GRIK4: variants seen among roughly 807,000 people sequenced by gnomAD.
GRIK4 encodes the protein glutamate ionotropic receptor kainate type subunit 4.
In GRIK4, 40 loss-of-function variants were observed where a neutral mutation model predicts 104.9. The observed-to-expected ratio is 0.38, with a 90% CI of 0.30 to 0.50. The LOEUF is 0.50. GRIK4 is among the 20% of genes least tolerant of loss of function. The pLI is 0.93. For missense variants in GRIK4, 1,047 were observed against 1,308.1 expected (o/e 0.80, Z 3.08); for synonymous variants, 485 against 524.9 (o/e 0.92, Z 1.04).
intron 1 of GRIK4, among the ~76,000 whole-genome samples, chr11:120,557,329 A>G (rs1325752351): frequency 6.6e-6 from 1 of 151,872 alleles, no homozygotes; most frequent in African/African-American, 2.4e-5. Flanking sequence ...GGGGGAAGAA[A>G]ACGGTACCTC....
chr11:120,766,144 C>A (rs1022518831), intron 3 of GRIK4, among the ~76,000 whole-genome samples: 2 of 152,200 alleles, frequency 1.3e-5, no homozygotes, highest in Admixed American at 6.5e-5. Flanking sequence ...TTCAGAGATG[C>A]CTTGCCCAGA....
intron 6 of GRIK4, among the ~76,000 whole-genome samples, 162 bp downstream of exon 6, chr11:120,820,082 CGTGT>C (rs35140379): frequency 0.31 from 44,290 of 144,642 alleles, 6,708 homozygotes; most frequent in East Asian, 0.41. Flanking sequence ...CTCATGTGTC[CGTGT>C]GTGTGTGTGT....
rs376756048 is a variant in GRIK4, at chr11:120,724,689, T to G, written c.82+64289T>G. 1.4e-4 allele frequency among the ~76,000 whole-genome samples: 22 copies of G among 152,214 alleles called. No homozygotes were observed. In the East Asian group the frequency reaches 1.5e-3, roughly 11 times the overall value. On this transcript the variant is annotated intron_variant, in intron 3 of 20. Transcript: ENST00000527524. ...TGTCTAAGCCTAGAAACTAACTATA[T>G]TTTATTTATTTGTAAATTCAGAGTA...
intron 3 of GRIK4, among the ~76,000 whole-genome samples, chr11:120,794,533 G>A (rs1321456316): frequency 1.3e-5 from 2 of 151,916 alleles, no homozygotes; most frequent in Non-Finnish European, 2.9e-5. Flanking sequence ...CCCGAATCCA[G>A]TTGGACTTCT....
chr11:120,795,017 C>T (rs1188016098), intron 3 of GRIK4, among the ~76,000 whole-genome samples: 1 of 152,018 alleles, frequency 6.6e-6, no homozygotes, highest in Non-Finnish European at 1.5e-5. Context: ...AGTGAGCAGC[C>T]AGGGTCAGCT....
At position 120,940,585 on chromosome 11, in the gene GRIK4, T is replaced by C. The variant is rs1591309438; in HGVS notation, c.1590+125T>C. On this transcript the variant is annotated intron_variant, in intron 14 of 20. Transcript: ENST00000527524. This position sits in a 1 kb window ranked among gnomAD's most constrained non-coding sequence, Gnocchi z 4.3. ...TTTCAAGACTTAAATGCAAATGTGCTGGGCTATTTTTTCTCCTATCATCTG... is the reference window on the plus strand; with the variant it reads ...TTTCAAGACTTAAATGCAAATGTGCCGGGCTATTTTTTCTCCTATCATCTG... The C allele has an allele frequency of 3.1e-6, 2 of 644,260 alleles. No individual in the cohort carries two copies. Among genetic ancestry groups the C allele is most frequent in the Non-Finnish European group, 2.7e-6 (1 of 375,498 alleles). The allele number at this position is 644,260 out of a possible 1,614,324, so 39.9% of individuals were successfully genotyped here. A position where few individuals can be genotyped will look rare whatever the true frequency, so the allele number is the denominator to read the frequency against.
intron 9 of GRIK4, among the ~76,000 whole-genome samples, chr11:120,865,518 C>T (rs1954384598): frequency 6.6e-6 from 1 of 152,222 alleles, no homozygotes; most frequent in East Asian, 1.9e-4. Context: ...TCTCACTCTT[C>T]CCCTGGACCA....
intron 8 of GRIK4, among the ~76,000 whole-genome samples, chr11:120,854,244 C>T (rs1268400025): frequency 6.6e-6 from 1 of 152,178 alleles, no homozygotes. Context: ...GAGCATGGAG[C>T]AGAGAGGATC....
At chr11:120,985,104 C>T (rs1237104987) in intron 20 of GRIK4, among the ~76,000 whole-genome samples, 1 of 141,974 alleles carries the variant, frequency 7.0e-6, no homozygotes, top group Non-Finnish European at 1.6e-5. Context: ...GCTGGGATTA[C>T]AGGTGTGAGC....
intron 1 of GRIK4, among the ~76,000 whole-genome samples, chr11:120,519,228 T>C (rs1947767056): frequency 6.6e-6 from 1 of 152,196 alleles, no homozygotes; most frequent in Non-Finnish European, 1.5e-5. Context: ...GCAAAGTACT[T>C]TCCATATATT....
chr11:120,807,360 G>A (rs1952734075), intron 4 of GRIK4, among the ~76,000 whole-genome samples: 1 of 152,162 alleles, frequency 6.6e-6, no homozygotes, highest in Non-Finnish European at 1.5e-5. Context: ...CCAGAAGCAG[G>A]GGCTTCCCTG....
chr11:120,984,232 A>C (rs1285809440), intron 20 of GRIK4, among the ~76,000 whole-genome samples: 1 of 152,232 alleles, frequency 6.6e-6, no homozygotes, highest in Non-Finnish European at 1.5e-5. Context: ...CAACTATGCC[A>C]TTGGTAGAAT....
chr11:120,532,136 C>T (rs1261345731), intron 1 of GRIK4, among the ~76,000 whole-genome samples: 6 of 152,308 alleles, frequency 3.9e-5, no homozygotes, highest in Admixed American at 6.5e-5. Context: ...GCCACTCAGG[C>T]CCTGGGCTGC....
chr11:120,789,801 G>A (rs567183502), intron 3 of GRIK4, among the ~76,000 whole-genome samples: 1 of 152,266 alleles, frequency 6.6e-6, no homozygotes, highest in South Asian at 2.1e-4. Context: ...GCTTCCCTGG[G>A]AAGCTCACTC....
intron 3 of GRIK4, among the ~76,000 whole-genome samples, chr11:120,770,280 A>G (rs1951917223): frequency 6.6e-6 from 1 of 152,254 alleles, no homozygotes; most frequent in African/African-American, 2.4e-5. Flanking sequence ...GCATGATAAA[A>G]TTACCTTAAC....
intron 6 of GRIK4, among the ~76,000 whole-genome samples, chr11:120,820,767 G>T (rs535532008): frequency 6.6e-6 from 1 of 152,176 alleles, no homozygotes; most frequent in Non-Finnish European, 1.5e-5. Context: ...TCTCAGAACT[G>T]CTCTGCCTTC....
At chr11:120,843,538 G>T (rs542805800) in intron 8 of GRIK4, among the ~76,000 whole-genome samples, 1 of 152,226 alleles carries the variant, frequency 6.6e-6, no homozygotes, top group African/African-American at 2.4e-5. Context: ...TGATATTTAC[G>T]TGAGTAAGTG....
Position 120,522,316 on chromosome 11 carries a change from CT to C in GRIK4, c.-159+10437del, listed in dbSNP as rs955453557. On this transcript the variant is annotated intron_variant, in intron 1 of 20. Transcript: ENST00000527524. Reference sequence around the variant, plus strand: ...TGAGCCAAATTGATTTCCCATGGGTCTTTTTTTTCTTTCTTTCTTTTTTGAG... The same window carrying C: ...TGAGCCAAATTGATTTCCCATGGGTCTTTTTTTCTTTCTTTCTTTTTTGAG... Among the ~76,000 whole-genome samples, 22 of 152,126 alleles carry C rather than the reference CT, an allele frequency of 1.4e-4. 1 individual carries two copies. The highest frequency in any genetic ancestry group is 6.8e-3 in the Middle Eastern group (2 of 294).
At chr11:120,547,337 G>A (rs1055184472) in intron 1 of GRIK4, among the ~76,000 whole-genome samples, 3 of 152,206 alleles carry the variant, frequency 2.0e-5, no homozygotes, top group Admixed American at 1.3e-4. Context: ...TGGATGTCTC[G>A]CCCCTAGCAC....
Sources: gnomAD v4.1 joint callset for allele counts (sites outside exome capture counted in the v4.1 genomes callset) on GRCh38, gnomAD v4.1.1 for gene constraint, Gnocchi (gnomAD v3.1) non-coding constraint, MANE v1.5 for transcripts, NCBI Gene and HGNC (gene_info 2026-07-23, HGNC 2026-07-21) for gene names.